Variants in STAG1 observed in about 807,000 individuals in gnomAD.
The protein encoded by STAG1 is cohesin subunit SA-1.
A neutral mutation model predicts 170.9 loss-of-function variants in STAG1; 26 were observed. The ratio of observed to expected loss-of-function variants is 0.15; its 90% CI spans 0.11 to 0.21. The LOEUF (loss-of-function observed/expected upper bound fraction) is 0.21, where lower values mean the gene tolerates loss of function less well. STAG1 is among the 10% of genes least tolerant of loss of function. STAG1 has a pLI of 1.00. For missense variants in STAG1, 964 were observed against 1,509.5 expected, an observed-to-expected ratio of 0.64 and a Z score of 5.99; for synonymous variants, 514 against 497.7, an observed-to-expected ratio of 1.03 and a Z score of -0.44.
chr3:136,568,202 T>C (rs1937150569), intron 5 of STAG1, among the ~76,000 whole-genome samples: 2 of 152,266 alleles, frequency 1.3e-5, no homozygotes, highest in South Asian at 4.1e-4. Flanking sequence ...CCCCATGTAA[T>C]ACAAATTAAC....
intron 21 of STAG1, among the ~76,000 whole-genome samples, chr3:136,407,332 T>A (rs542387264): frequency 1.3e-5 from 2 of 152,198 alleles, no homozygotes; most frequent in Non-Finnish European, 2.9e-5. Flanking sequence ...GCCTCTTTCA[T>A]TAATGTTTTA....
chr3:136,708,453 CTG>C (rs1491341683), intron 1 of STAG1, among the ~76,000 whole-genome samples: 1 of 151,772 alleles, frequency 6.6e-6, no homozygotes, highest in Non-Finnish European at 1.5e-5. Flanking sequence ...TGCCAGGAGA[CTG>C]GGGGGGAGGG....
intron 2 of STAG1, among the ~76,000 whole-genome samples, chr3:136,628,437 T>G (rs1348922844): frequency 6.6e-6 from 1 of 152,106 alleles, no homozygotes; most frequent in Non-Finnish European, 1.5e-5. Flanking sequence ...TTATCTCATG[T>G]CACTCTCCAT....
chr3:136,645,607 A>C (rs1940977132), intron 1 of STAG1, among the ~76,000 whole-genome samples: 1 of 152,256 alleles, frequency 6.6e-6, no homozygotes, highest in Non-Finnish European at 1.5e-5. Context: ...GCTTTATTTT[A>C]ATTTGCACAT....
At chr3:136,509,603 T>C (rs1416384265) in intron 7 of STAG1, among the ~76,000 whole-genome samples, 2 of 151,854 alleles carry the variant, frequency 1.3e-5, no homozygotes, top group East Asian at 1.9e-4. Flanking sequence ...ATAAAGGCAG[T>C]GAGGACAAGA....
intron 26 of STAG1, among the ~76,000 whole-genome samples, chr3:136,360,884 G>A (rs1936837982): frequency 6.6e-6 from 1 of 152,018 alleles, no homozygotes; most frequent in African/African-American, 2.4e-5. Context: ...TAGCCAGGAT[G>A]GTCTCGATCT....
At chr3:136,402,080 TCA>T (rs763874106) in intron 21 of STAG1, among the ~76,000 whole-genome samples, 5 of 152,150 alleles carry the variant, frequency 3.3e-5, no homozygotes, top group Non-Finnish European at 5.9e-5. Flanking sequence ...TTATCTTGTG[TCA>T]CTATGATCTT....
At chr3:136,579,479 C>T (rs1472395996) in intron 4 of STAG1, among the ~76,000 whole-genome samples, 1 of 152,178 alleles carries the variant, frequency 6.6e-6, no homozygotes, top group East Asian at 1.9e-4. Flanking sequence ...TGGGAAGAAG[C>T]GATTTCTAAG....
chr3:136,703,617 C>T (rs964338982), intron 1 of STAG1, among the ~76,000 whole-genome samples: 8 of 152,194 alleles, frequency 5.3e-5, no homozygotes, highest in African/African-American at 1.9e-4. Context: ...GATAACAGAA[C>T]ATAGGCTTCA....
chr3:136,368,496 T>C (rs67963055), intron 24 of STAG1, among the ~76,000 whole-genome samples: 24,635 of 151,960 alleles, frequency 0.16, 3,220 homozygotes, highest in African/African-American at 0.37. Flanking sequence ...CTGGATACTT[T>C]CTTTTAGAAA....
At chr3:136,340,154 AT>A (rs988393101) in intron 32 of STAG1, among the ~76,000 whole-genome samples, 36 of 151,500 alleles carry the variant, frequency 2.4e-4, no homozygotes, top group Non-Finnish European at 4.4e-4. Context: ...TAAGAGGATA[AT>A]TTTTTTTTGT....
chr3:136,402,609 T>A (rs1576430843), intron 21 of STAG1, among the ~76,000 whole-genome samples: 1 of 150,806 alleles, frequency 6.6e-6, no homozygotes, highest in South Asian at 2.2e-4. Flanking sequence ...GGCGGGTGGA[T>A]CACCTGAGGT....
chr3:136,522,519 A>G (rs1934731986), intron 6 of STAG1, among the ~76,000 whole-genome samples: 1 of 137,402 alleles, frequency 7.3e-6, no homozygotes, highest in South Asian at 2.6e-4. Context: ...CCACTATAGT[A>G]GAGTTCCTCT....
intron 16 of STAG1, 35 bp from the exon 17 acceptor site, chr3:136,423,079 T>A: frequency 7.0e-7 from 1 of 1,424,618 alleles, no homozygotes; most frequent in Non-Finnish European, 9.7e-7. Flanking sequence ...AAGAGTATTG[T>A]GTTAAATTAT....
chr3:136,689,645 T>C (rs1216729718), intron 1 of STAG1, among the ~76,000 whole-genome samples: 2 of 152,218 alleles, frequency 1.3e-5, no homozygotes, highest in East Asian at 3.8e-4. Flanking sequence ...TTAAATTATC[T>C]TCTGAAATCT....
At chr3:136,589,224 C>A (rs146721079) in intron 4 of STAG1, among the ~76,000 whole-genome samples, 1 of 152,062 alleles carries the variant, frequency 6.6e-6, no homozygotes, top group Non-Finnish European at 1.5e-5. Flanking sequence ...CAAGGCCGGG[C>A]GCAGTGGCAC....
intron 1 of STAG1, among the ~76,000 whole-genome samples, chr3:136,662,303 C>T (rs575731323): frequency 6.6e-6 from 1 of 152,134 alleles, no homozygotes; most frequent in South Asian, 2.1e-4. Flanking sequence ...AGGTACCTGC[C>T]ACCATGCTCA....
intron 14 of STAG1, among the ~76,000 whole-genome samples, chr3:136,447,801 T>C (rs1403839793): frequency 4.6e-5 from 7 of 151,940 alleles, no homozygotes; most frequent in Non-Finnish European, 1.0e-4. Flanking sequence ...GCATTTTTAG[T>C]AGAGACGGGG....
At position 136,356,741 on chromosome 3, in the gene STAG1, A is replaced by G. The variant is rs145266040; in HGVS notation, c.3065+979T>C. ...ATTCATTATAGTATTATCCTCTAAA[A>G]AAGTTTTTATTTTATTTTATTTTTT... On this transcript the variant is annotated intron_variant, in intron 28 of 33. Transcript: ENST00000383202. Among the ~76,000 whole-genome samples the G allele has an allele frequency of 6.4e-3, 974 of 151,748 alleles. 10 individuals carry two copies. The highest frequency in any genetic ancestry group is 0.022 in the African/African-American group (926 of 41,392).
Sources: gnomAD v4.1 joint callset for allele counts (sites outside exome capture counted in the v4.1 genomes callset) on GRCh38, gnomAD v4.1.1 for gene constraint, MANE v1.5 for transcripts, NCBI Gene and HGNC (gene_info 2026-07-23, HGNC 2026-07-21) for gene names.